NUP160: variants seen among roughly 807,000 people sequenced by gnomAD.
NUP160 encodes nucleoporin 160, also known as nuclear pore complex protein Nup160.
In NUP160, 94 loss-of-function variants were observed where a neutral mutation model predicts 196.9. That is an observed-to-expected ratio of 0.48 (90% CI 0.40 to 0.57). NUP160 has a LOEUF of 0.57. Among genes scored for constraint, NUP160 ranks in the 20% least tolerant of loss-of-function variants. The pLI, the probability that NUP160 is intolerant of heterozygous loss-of-function variation, is 0.00. For synonymous variants in NUP160, 605 were observed against 619.7 expected (o/e 0.98, Z 0.35); for missense variants, 1,638 against 1,748.3 (o/e 0.94, Z 1.13).
intron 20 of NUP160, 107 bp downstream of exon 20, chr11:47,806,046 A>G (rs971740414): frequency 3.5e-5 from 35 of 1,011,758 alleles, no homozygotes; most frequent in South Asian, 4.3e-5. Context: ...ACTTCTGGCC[A>G]TAAGTGATAA....
intron 4 of NUP160, chr11:47,839,494 C>A: frequency 3.9e-6 from 1 of 256,182 alleles, no homozygotes; most frequent in South Asian, 5.1e-5. Flanking sequence ...AGGCAAGACA[C>A]AGTGGCAACT....
chr11:47,800,136 C>A (rs560596879), intron 23 of NUP160, among the ~76,000 whole-genome samples: 1 of 151,816 alleles, frequency 6.6e-6, no homozygotes, highest in East Asian at 2.0e-4. Flanking sequence ...CACCTGTAAT[C>A]CCAGCTACCT....
rs139856371 is a variant in NUP160 at position 47,786,598 on chromosome 11, C to T, written c.3747-44G>A. ...CACACTTGAAAACTGAACGCTGAAACGTACCACTTTAATTTGATACTAAAA... is the reference window on the plus strand; with the variant it reads ...CACACTTGAAAACTGAACGCTGAAATGTACCACTTTAATTTGATACTAAAA... On this transcript the variant is annotated intron_variant, in intron 31 of 35. Coordinates refer to ENST00000378460, the Ensembl canonical transcript of NUP160. 5.1e-3 allele frequency: 6,018 copies of T among 1,180,242 alleles called. 26 individuals carry two copies. The highest frequency in any genetic ancestry group is 6.5e-3 in the Non-Finnish European group (5,126 of 787,112). The allele number at this position is 1,180,242 out of a possible 1,614,324, so 73.1% of individuals were successfully genotyped here.
intron 29 of NUP160, among the ~76,000 whole-genome samples, chr11:47,790,173 C>G (rs189863557): frequency 8.4e-4 from 128 of 151,908 alleles, no homozygotes; most frequent in African/African-American, 3.0e-3. Context: ...TCAAAACTCC[C>G]AACCTCAGGT....
In NUP160 at chr11:47,806,479, A is replaced by G. The variant is rs970392147; in HGVS notation, c.2447-167T>C. ...GGCAATATAAATAAAAGTAGTCTGT[A>G]AATTGTGAGGCACTATAAAAATGCA... On this transcript the variant is annotated intron_variant, in intron 19 of 35. Transcript: ENST00000378460. 14 of 547,636 alleles carry G rather than the reference A, an allele frequency of 2.6e-5. No individual in the cohort carries two copies. The Admixed American group carries it at 2.9e-4, about 11-fold the overall frequency. The allele number at this position is 547,636 out of a possible 1,614,324, so 33.9% of individuals were successfully genotyped here.
At chr11:47,843,510 C>A (rs1422462614) in intron 2 of NUP160, among the ~76,000 whole-genome samples, 3 of 152,112 alleles carry the variant, frequency 2.0e-5, no homozygotes, top group Non-Finnish European at 2.9e-5. Flanking sequence ...TGTTGGTGTG[C>A]CCCAGGGTTC....
Position 47,831,525 on chromosome 11 carries a change from A to C in NUP160, c.1101+4126T>G, listed in dbSNP as rs185065710. Among the ~76,000 whole-genome samples, 153 of 152,274 alleles carry C rather than the reference A, an allele frequency of 1.0e-3. 1 individual carries two copies. Among genetic ancestry groups the C allele is most frequent in the Non-Finnish European group, 1.6e-3 (107 of 68,020 alleles). On this transcript the variant is annotated intron_variant, in intron 7 of 35. Coordinates refer to ENST00000378460, the Ensembl canonical transcript of NUP160. Reference sequence around the variant, plus strand: ...AATTGAAACCACCTTCGCAAAAATCATAACAGTGAGAAAATTATGACAATG... The same window carrying C: ...AATTGAAACCACCTTCGCAAAAATCCTAACAGTGAGAAAATTATGACAATG...
chr11:47,780,435 C>T (rs1176861613), exon 35 of NUP160: 6 of 1,611,064 alleles, frequency 3.7e-6, no homozygotes, highest in Admixed American at 3.3e-5. Context: ...GGGGCTGTTG[C>T]GGACAGTGGA....
intron 29 of NUP160, among the ~76,000 whole-genome samples, 170 bp downstream of exon 29, chr11:47,791,760 G>T (rs1443187176): frequency 6.6e-6 from 1 of 152,038 alleles, no homozygotes; most frequent in Non-Finnish European, 1.5e-5. Flanking sequence ...GTGTATAATA[G>T]GTGCCTGCAG....
intron 7 of NUP160, among the ~76,000 whole-genome samples, chr11:47,830,497 T>A (rs1235544229): frequency 6.6e-6 from 1 of 152,152 alleles, no homozygotes; most frequent in Admixed American, 6.6e-5. Context: ...TAAAACATGG[T>A]ACATATATAT....
At position 47,837,531 on chromosome 11, in the gene NUP160, C is replaced by T. The variant is rs1852199985; in HGVS notation, c.827+14G>A. On this transcript the variant is annotated intron_variant, in intron 5 of 35. Coordinates refer to ENST00000378460, the Ensembl canonical transcript of NUP160. ...TTCTTGGGCCCTTTGATTTACCTGC[C>T]AGACACCACTCACCTGATAGCTGTT... 1 of 1,610,468 alleles carries T rather than the reference C, an allele frequency of 6.2e-7. No individual in the cohort carries two copies. The highest frequency in any genetic ancestry group is 8.5e-7 in the Non-Finnish European group (1 of 1,176,842).
intron 1 of NUP160, 119 bp from the exon 2 acceptor site, chr11:47,848,078 T>C: frequency 7.9e-7 from 1 of 1,270,290 alleles, no homozygotes; most frequent in African/African-American, 1.5e-5. Context: ...GAGGAAAACG[T>C]CGGACATCAA....
At chr11:47,780,507 T>C (rs1467827839) in intron 34 of NUP160, 60 bp from the exon 35 acceptor site, 6 of 1,138,380 alleles carry the variant, frequency 5.3e-6, no homozygotes, top group South Asian at 4.9e-5. Context: ...TTCTGGGTAG[T>C]TGCTTTCATA....
At chr11:47,826,365 G>A (rs1328212821) in intron 7 of NUP160, among the ~76,000 whole-genome samples, 2 of 152,176 alleles carry the variant, frequency 1.3e-5, no homozygotes, top group African/African-American at 4.8e-5. Context: ...TGTCAAAAAA[G>A]TTATTCTGAT....
At chr11:47,804,088 G>A (rs538241809) in intron 21 of NUP160, among the ~76,000 whole-genome samples, 5 of 151,914 alleles carry the variant, frequency 3.3e-5, no homozygotes, top group Non-Finnish European at 7.4e-5. Context: ...GGCTGAGACA[G>A]GAGAATTGCT....
intron 7 of NUP160, among the ~76,000 whole-genome samples, chr11:47,825,506 G>A (rs1229933325): frequency 6.7e-6 from 1 of 149,884 alleles, no homozygotes; most frequent in African/African-American, 2.5e-5. Flanking sequence ...AGGCTGGAGT[G>A]CAGTGGTACG....
At chr11:47,780,357 T>A in exon 35 of NUP160, 1 of 1,612,576 alleles carries the variant, frequency 6.2e-7, no homozygotes, top group Non-Finnish European at 8.5e-7. Flanking sequence ...ATGTTGTGAC[T>A]GTTGGCACTG....
intron 22 of NUP160, 76 bp from the exon 23 acceptor site, chr11:47,802,006 T>C: frequency 6.9e-7 from 1 of 1,445,648 alleles, no homozygotes; most frequent in South Asian, 1.2e-5. Context: ...GGTTCACATG[T>C]AAGGGAAAGC....
At chr11:47,788,692 C>A in intron 29 of NUP160, 81 bp from the exon 30 acceptor site, 1 of 823,792 alleles carries the variant, frequency 1.2e-6, no homozygotes, top group Non-Finnish European at 2.0e-6. Context: ...TCAATTTCCA[C>A]TGAACATTAA....
Sources: allele counts gnomAD v4.1 joint callset (sites outside exome capture counted in the v4.1 genomes callset), GRCh38; gene constraint gnomAD v4.1.1; transcripts MANE v1.5; gene names NCBI Gene and HGNC (gene_info 2026-07-23, HGNC 2026-07-21).